The following CACNB2 variants were observed in gnomAD, a reference collection of about 807,000 sequenced individuals.
CACNB2 encodes the protein voltage-dependent L-type calcium channel subunit beta-2.
In CACNB2, 42 loss-of-function variants were observed where a neutral mutation model predicts 73.3. The ratio of observed to expected loss-of-function variants is 0.57; its 90% CI spans 0.45 to 0.74. The LOEUF (loss-of-function observed/expected upper bound fraction) is 0.74. Among genes scored for constraint, CACNB2 ranks in the 30% least tolerant of loss-of-function variants. The pLI, the probability that CACNB2 is intolerant of heterozygous loss-of-function variation, is 0.00. For synonymous variants in CACNB2, 348 were observed against 310.3 expected (o/e 1.12, Z -1.28); for missense variants, 940 against 853.0 (o/e 1.10, Z -1.27).
chr10:18,258,419 A>G (rs1418893411), intron 2 of CACNB2, among the ~76,000 whole-genome samples: 1 of 152,100 alleles, frequency 6.6e-6, no homozygotes, highest in African/African-American at 2.4e-5. Flanking sequence ...GATAGAGGTG[A>G]TGAAGGGGCC....
In CACNB2 at chr10:18,538,230, G is replaced by A. The variant is rs1281048892; in HGVS notation, c.1353G>A (p.Glu451=). 6.2e-7 allele frequency: 1 copy of A among 1,614,002 alleles called. No homozygotes were observed. Among genetic ancestry groups the A allele is most frequent in the African/African-American group, 1.3e-5 (1 of 74,906 alleles). ...LDENQLEDAC[E]HLADYLEAYW... Reference sequence around the variant, plus strand: ...AGAACCAGCTTGAGGATGCCTGTGAGCACCTTGCCGACTATCTGGAGGCCT... The same window carrying A: ...AGAACCAGCTTGAGGATGCCTGTGAACACCTTGCCGACTATCTGGAGGCCT... The change falls in exon 13 of 14, where the codon GAG becomes GAA. Residue 451 remains glutamate (E), a synonymous_variant. Transcript: ENST00000324631.
Position 18,506,503 on chromosome 10 carries a change from G to A in CACNB2, c.626G>A (p.Gly209Asp). Residue 209 changes from glycine (G) to aspartate (D), a missense_variant, in exon 6 of 14, where the codon GGT becomes GAT. Coordinates refer to ENST00000324631, the MANE Select transcript of CACNB2 (RefSeq NM_201596.3). Reference protein sequence around the residue: ...KSGGNSSSSLGDIVPSSRKST... With the variant: ...KSGGNSSSSLDDIVPSSRKST... ...GGAGGAAATTCATCATCCAGTTTGG[G>A]TGACATAGTACCTAGTTCCAGAAAA... The A allele has an allele frequency of 1.2e-6, 2 of 1,612,160 alleles. No homozygotes were observed. Among genetic ancestry groups the A allele is most frequent in the African/African-American group, 1.3e-5 (1 of 74,988 alleles).
At chr10:18,371,789 T>C (rs4601660) in intron 2 of CACNB2, among the ~76,000 whole-genome samples, 1 of 152,200 alleles carries the variant, frequency 6.6e-6, no homozygotes, top group Non-Finnish European at 1.5e-5. Flanking sequence ...CTGACTTCCA[T>C]AATGGTTGAA....
At chr10:18,197,089 C>T (rs559501117) in intron 2 of CACNB2, among the ~76,000 whole-genome samples, 1 of 152,096 alleles carries the variant, frequency 6.6e-6, no homozygotes, top group East Asian at 1.9e-4. Context: ...TGCCTCTTAG[C>T]CCCCTGGGCA....
chr10:18,264,867 G>A (rs2037719640), intron 2 of CACNB2, among the ~76,000 whole-genome samples: 1 of 152,128 alleles, frequency 6.6e-6, no homozygotes, highest in Admixed American at 6.6e-5. Context: ...GTTTATGTAT[G>A]CATTTCTCTT....
chr10:18,281,806 G>A (rs991393944), intron 2 of CACNB2, among the ~76,000 whole-genome samples: 7 of 151,688 alleles, frequency 4.6e-5, no homozygotes, highest in South Asian at 4.2e-4. Flanking sequence ...TGGCAAAACC[G>A]TGTCTCTACT....
intron 3 of CACNB2, among the ~76,000 whole-genome samples, chr10:18,415,779 C>G (rs576710134): frequency 6.6e-6 from 1 of 152,274 alleles, no homozygotes; most frequent in South Asian, 2.1e-4. Flanking sequence ...ATCCTCATAA[C>G]CATTCGTAAG....
intron 2 of CACNB2, among the ~76,000 whole-genome samples, chr10:18,214,178 T>C: frequency 4.6e-5 from 1 of 21,664 alleles, no homozygotes; most frequent in African/African-American, 6.7e-5. Flanking sequence ...AGCTAAAGTT[T>C]CCACGACAGG....
At chr10:18,348,098 G>A (rs570497450) in intron 2 of CACNB2, among the ~76,000 whole-genome samples, 1 of 152,312 alleles carries the variant, frequency 6.6e-6, no homozygotes, top group South Asian at 2.1e-4. Flanking sequence ...GATATGCTGA[G>A]TACTATCTAG....
chr10:18,226,873 G>A (rs565771764), intron 2 of CACNB2, among the ~76,000 whole-genome samples: 3 of 152,182 alleles, frequency 2.0e-5, no homozygotes, highest in Admixed American at 6.5e-5. Context: ...ACAGGTCTGC[G>A]GTTATTGGTG....
intron 2 of CACNB2, among the ~76,000 whole-genome samples, chr10:18,389,232 G>C (rs2043361085): frequency 6.6e-6 from 1 of 152,160 alleles, no homozygotes; most frequent in South Asian, 2.1e-4. Context: ...GAACTCCTGA[G>C]CTCAGGCAGT....
At chr10:18,196,989 C>A (rs1442308349) in intron 2 of CACNB2, among the ~76,000 whole-genome samples, 2 of 151,862 alleles carry the variant, frequency 1.3e-5, no homozygotes, top group African/African-American at 4.8e-5. Flanking sequence ...TCCTCTCCTC[C>A]CCTCTCCTCC....
intron 2 of CACNB2, among the ~76,000 whole-genome samples, chr10:18,289,663 A>G (rs2131756981): frequency 6.6e-6 from 1 of 152,184 alleles, no homozygotes; most frequent in South Asian, 2.1e-4. Context: ...ATTTTCAGCA[A>G]ATGGTAGCTA....
chr10:18,227,466 G>T (rs1312096616), intron 2 of CACNB2, among the ~76,000 whole-genome samples: 1 of 152,210 alleles, frequency 6.6e-6, no homozygotes, highest in African/African-American at 2.4e-5. Flanking sequence ...GGAAAGCGCA[G>T]AGATGGGGGT....
intron 3 of CACNB2, among the ~76,000 whole-genome samples, chr10:18,495,820 A>G (rs1301386081): frequency 6.6e-6 from 1 of 152,128 alleles, no homozygotes; most frequent in Non-Finnish European, 1.5e-5. Context: ...TATATACTTA[A>G]GAACATTTCT....
intron 3 of CACNB2, among the ~76,000 whole-genome samples, chr10:18,412,364 A>G (rs2044682333): frequency 6.6e-6 from 1 of 152,202 alleles, no homozygotes; most frequent in African/African-American, 2.4e-5. Flanking sequence ...AAGAAGAAAT[A>G]TCTGCATGCC....
intron 2 of CACNB2, among the ~76,000 whole-genome samples, chr10:18,268,135 C>A (rs1199934624): frequency 1.3e-5 from 2 of 152,158 alleles, no homozygotes; most frequent in African/African-American, 4.8e-5. Context: ...TAGAAGGATG[C>A]CTTCATTGTT....
chr10:18,198,065 AATGT>A (rs1191873893), intron 2 of CACNB2, among the ~76,000 whole-genome samples: 2 of 148,112 alleles, frequency 1.4e-5, no homozygotes, highest in African/African-American at 2.5e-5. Context: ...AATAAATGTT[AATGT>A]ATGTAACATA....
chr10:18,534,870 A>T (rs2053413394), intron 11 of CACNB2, among the ~76,000 whole-genome samples: 1 of 152,234 alleles, frequency 6.6e-6, no homozygotes, highest in Non-Finnish European at 1.5e-5. Context: ...CTGACAGGCT[A>T]TGCTTATTCC....
Sources: allele counts gnomAD v4.1 joint callset (sites outside exome capture counted in the v4.1 genomes callset), GRCh38; gene constraint gnomAD v4.1.1; transcripts MANE v1.5; gene names NCBI Gene and HGNC (gene_info 2026-07-23, HGNC 2026-07-21).